The following ADAMTSL2 variants were observed in gnomAD, a reference collection of about 807,000 sequenced individuals.
The protein encoded by ADAMTSL2 is ADAMTS-like protein 2.
Under a neutral mutation model 117.0 loss-of-function variants are expected in ADAMTSL2, and 55 were observed. The ratio of observed to expected loss-of-function variants is 0.47; its 90% CI spans 0.38 to 0.59. The LOEUF is 0.59. ADAMTSL2 is among the 20% of genes least tolerant of loss of function. The pLI is 0.00. For missense variants in ADAMTSL2, 1,182 were observed against 1,354.5 expected (o/e 0.87, Z 2.00); for synonymous variants, 572 against 566.4 (o/e 1.01, Z -0.14).
Position 133,567,040 on chromosome 9 carries a change from G to A in ADAMTSL2, c.1852G>A (p.Ala618Thr), listed in dbSNP as rs1830990260. The A allele has an allele frequency of 8.1e-6, 13 of 1,609,790 alleles. No individual in the cohort carries two copies. The highest frequency in any genetic ancestry group is 2.2e-5 in the East Asian group (1 of 44,880). ...TRPEPVHEFC[A>T]GRECQPRWET... ...TCCCGAGCCTGTCCACGAGTTCTGC[G>A]CTGGGAGGGAGTGCCAGCCCAGGTA... Residue 618 changes from alanine (A) to threonine (T), a missense_variant, in exon 13 of 19, where the codon GCT becomes ACT. By Grantham distance (58) the Ala-to-Thr change is moderately conservative. This residue lies in a region of ADAMTSL2 where 465 missense variants were observed against 565.3 expected (regional missense o/e 0.82). Coordinates refer to ENST00000651351, the MANE Select transcript of ADAMTSL2 (RefSeq NM_014694.4).
chr9:133,561,097 C>G (rs1228168532), intron 11 of ADAMTSL2, 101 bp from the exon 12 acceptor site: 6 of 993,330 alleles, frequency 6.0e-6, no homozygotes, highest in Non-Finnish European at 9.4e-6. Flanking sequence ...GTGCTTCAGG[C>G]GAACATACCC....
At chr9:133,570,057 C>G (rs966174314) in intron 16 of ADAMTSL2, among the ~76,000 whole-genome samples, 2 of 152,380 alleles carry the variant, frequency 1.3e-5, no homozygotes, top group Non-Finnish European at 2.9e-5. Context: ...AAATTGTTTT[C>G]TGCTAAATTG....
chr9:133,548,274 G>A (rs182726575), intron 9 of ADAMTSL2, among the ~76,000 whole-genome samples: 31 of 152,358 alleles, frequency 2.0e-4, no homozygotes, highest in Admixed American at 2.0e-3. Flanking sequence ...TGCTGGAGGG[G>A]TCTCTAACTG....
At chr9:133,567,099 AG>A (rs1381851750) in intron 13 of ADAMTSL2, 37 bp downstream of exon 13, 3 of 1,578,556 alleles carry the variant, frequency 1.9e-6, no homozygotes, top group Non-Finnish European at 2.6e-6. Flanking sequence ...GGGGGTCGGC[AG>A]GGGGCGTGAG....
At position 133,557,866 on chromosome 9, in the gene ADAMTSL2, C is replaced by T. The variant is rs1830638408; in HGVS notation, c.1649+1936C>T. ...TAGGTTTATCAGAGTGGCACCGAGG[C>T]CTCGCTGTGGAATTTGGCTTAAGGC... is the stretch of plus-strand genomic sequence containing the variant. On this transcript the variant is annotated intron_variant, in intron 11 of 18. Coordinates refer to ENST00000651351, the MANE Select transcript of ADAMTSL2 (RefSeq NM_014694.4). The surrounding 1 kb of genome is among the most constrained non-coding windows in gnomAD (Gnocchi z 5.2). Among the ~76,000 whole-genome samples, 1 of 152,194 alleles carries T rather than the reference C, an allele frequency of 6.6e-6. No homozygotes were observed. The highest frequency in any genetic ancestry group is 2.4e-5 in the African/African-American group (1 of 41,440).
At chr9:133,561,330 C>T (rs1447031323) in intron 12 of ADAMTSL2, 35 bp downstream of exon 12, 6 of 1,540,850 alleles carry the variant, frequency 3.9e-6, no homozygotes, top group Non-Finnish European at 4.4e-6. Flanking sequence ...CAGCAACTGC[C>T]CTGAACCCAT....
chr9:133,537,727 C>T (rs1433294842), intron 3 of ADAMTSL2, among the ~76,000 whole-genome samples, 180 bp downstream of exon 3: 1 of 152,222 alleles, frequency 6.6e-6, no homozygotes, highest in East Asian at 1.9e-4. Flanking sequence ...TGGGCCCCAG[C>T]ACTGGTGCTC....
intron 11 of ADAMTSL2, among the ~76,000 whole-genome samples, chr9:133,560,827 C>A (rs1371797172): frequency 6.6e-6 from 1 of 152,190 alleles, no homozygotes; most frequent in African/African-American, 2.4e-5. Flanking sequence ...GAAGAAGGAA[C>A]CCACTAGCTG....
chr9:133,570,529 C>CT, intron 17 of ADAMTSL2, 22 bp downstream of exon 17: 1 of 1,600,210 alleles, frequency 6.2e-7, no homozygotes, highest in Non-Finnish European at 8.5e-7. Flanking sequence ...GCCGGCCCCT[C>CT]TGAGGTTGCC....
chr9:133,541,884 G>T (rs1192351606), intron 7 of ADAMTSL2, among the ~76,000 whole-genome samples: 1 of 152,196 alleles, frequency 6.6e-6, no homozygotes, highest in Non-Finnish European at 1.5e-5. Context: ...TGTAATGCTT[G>T]GCATTAGATT....
Position 133,574,943 on chromosome 9 carries a change from AC to A in ADAMTSL2, c.*85del. On this transcript the variant is annotated 3_prime_UTR_variant, in exon 19 of 19. Coordinates refer to ENST00000651351, the MANE Select transcript of ADAMTSL2 (RefSeq NM_014694.4). ...GCTGCAGCTTCTGGGGCCTCCACAG[AC>A]CCCCCTCCTGCGGGGCACGCTGGCC... is the stretch of plus-strand genomic sequence containing the variant. The A allele has an allele frequency of 1.8e-6, 2 of 1,133,008 alleles. No individual in the cohort carries two copies. The highest frequency in any genetic ancestry group is 2.7e-6 in the Non-Finnish European group (2 of 750,436). 70.2% of individuals were successfully genotyped at this position (1,133,008 alleles called of 1,614,324 possible).
chr9:133,555,420 A>G, intron 10 of ADAMTSL2, 138 bp from the exon 11 acceptor site: 2 of 1,074,198 alleles, frequency 1.9e-6, no homozygotes, highest in South Asian at 2.9e-5. Context: ...TCCTCTAGTT[A>G]GGCAGAAGCC....
At chr9:133,564,239 A>G (rs1430647058) in intron 12 of ADAMTSL2, among the ~76,000 whole-genome samples, 6 of 80,468 alleles carry the variant, frequency 7.5e-5, no homozygotes, top group Admixed American at 2.3e-4. Context: ...GGAGAGAGAG[A>G]GAGAAAGAGG....
At chr9:133,539,966 C>A in intron 5 of ADAMTSL2, 93 bp downstream of exon 5, 1 of 1,202,300 alleles carries the variant, frequency 8.3e-7, no homozygotes, top group Non-Finnish European at 1.2e-6. Flanking sequence ...GACGGGTGGG[C>A]AGGTGGGGAA....
intron 18 of ADAMTSL2, 83 bp downstream of exon 18, chr9:133,574,070 C>A: frequency 6.7e-7 from 1 of 1,501,006 alleles, no homozygotes; most frequent in Non-Finnish European, 9.0e-7. Context: ...GGTGAGCAGA[C>A]ATTGCTCACC....
chr9:133,570,468 G>A lies in ADAMTSL2; in HGVS notation c.2553G>A (p.Glu851=). The A allele has an allele frequency of 6.2e-7, 1 of 1,611,814 alleles. No homozygotes were observed. Among genetic ancestry groups the A allele is most frequent in the Middle Eastern group, 1.7e-4 (1 of 6,058 alleles). ...CTCCCGAGGAGAGCACGTGTTTCGAGAGGCCCTGCTTCAAGTGGTACACCA... is the reference window on the plus strand; with the variant it reads ...CTCCCGAGGAGAGCACGTGTTTCGAAAGGCCCTGCTTCAAGTGGTACACCA... ...KKPPEESTCF[E]RPCFKWYTSP... Residue 851 remains glutamate (E), a synonymous_variant, in exon 17 of 19, where the codon GAG becomes GAA. Transcript: ENST00000651351.
chr9:133,563,004 C>T (rs1199214484), intron 12 of ADAMTSL2, among the ~76,000 whole-genome samples: 2 of 150,816 alleles, frequency 1.3e-5, no homozygotes, highest in Non-Finnish European at 3.0e-5. Context: ...CCGCTGTGGG[C>T]GGCGTGGTGG....
chr9:133,556,475 G>C (rs889994054), intron 11 of ADAMTSL2, among the ~76,000 whole-genome samples: 1 of 152,208 alleles, frequency 6.6e-6, no homozygotes, highest in Non-Finnish European at 1.5e-5. Flanking sequence ...CAAGTGCAGA[G>C]TGGCTCAGTC....
intron 17 of ADAMTSL2, among the ~76,000 whole-genome samples, chr9:133,572,926 C>T (rs1831143991): frequency 6.6e-6 from 1 of 152,228 alleles, no homozygotes; most frequent in Non-Finnish European, 1.5e-5. Context: ...CCAGAGGCTC[C>T]TCAGGGCCCT....
Sources: allele counts gnomAD v4.1 joint callset (sites outside exome capture counted in the v4.1 genomes callset), GRCh38; gene constraint gnomAD v4.1.1; regional missense constraint gnomAD v4.1.1; non-coding constraint Gnocchi (gnomAD v3.1); transcripts MANE v1.5; gene names NCBI Gene and HGNC (gene_info 2026-07-23, HGNC 2026-07-21).